PCDHGA7: variants seen among roughly 807,000 people sequenced by gnomAD.
PCDHGA7 encodes protocadherin gamma-A7.
PCDHGA7 carries 44 observed loss-of-function variants against 58.3 expected under a neutral mutation model. The observed-to-expected ratio is 0.75, with a 90% CI of 0.59 to 0.97. The LOEUF (loss-of-function observed/expected upper bound fraction) is 0.97, where lower values mean the gene tolerates loss of function less well. PCDHGA7 is among the 50% of genes least tolerant of loss of function. The pLI is 0.00. For synonymous variants in PCDHGA7, 516 were observed against 504.2 expected (o/e 1.02, Z -0.31); for missense variants, 1,266 against 1,188.7 (o/e 1.06, Z -0.96).
rs557311426 is a variant in PCDHGA7, at chr5:141,384,226, G to T, written c.1327G>T (p.Ala443Ser). 56 of 1,613,860 alleles carry T rather than the reference G, an allele frequency of 3.5e-5. No homozygotes were observed. In the East Asian group the frequency reaches 1.2e-3, roughly 34 times the overall value. ...GGAAACTCACATATTCATGCAGGTGGCAGACACCAACGATAACCCACCCAC... is the reference window on the plus strand; with the variant it reads ...GGAAACTCACATATTCATGCAGGTGTCAGACACCAACGATAACCCACCCAC... Reference protein sequence around the residue: ...SRETHIFMQVADTNDNPPTFP... With the variant: ...SRETHIFMQVSDTNDNPPTFP... The change falls in exon 1 of 4, where the codon GCA becomes TCA. Residue 443 changes from alanine to serine, a missense_variant. Physicochemically the swap from Ala to Ser is moderately conservative, Grantham distance 99. Coordinates refer to ENST00000518325, the MANE Select transcript of PCDHGA7 (RefSeq NM_018920.4).
intron 1 of PCDHGA7, chr5:141,421,919 TG>T: frequency 6.2e-7 from 1 of 1,613,642 alleles, no homozygotes; most frequent in Non-Finnish European, 8.5e-7. Flanking sequence ...CCCATTCGTG[TG>T]GTGGTCCTCG....
At chr5:141,419,407 G>A (rs1426208057) in intron 1 of PCDHGA7, 20 of 1,613,396 alleles carry the variant, frequency 1.2e-5, no homozygotes, top group Non-Finnish European at 1.4e-5. Flanking sequence ...TGGTGTTCGC[G>A]CAGCGCGCCT....
chr5:141,430,383 GAAA>G (rs139772145), intron 1 of PCDHGA7, among the ~76,000 whole-genome samples: 9 of 138,566 alleles, frequency 6.5e-5, no homozygotes, highest in African/African-American at 2.4e-4. Context: ...AGCTCATTGG[GAAA>G]AAAAAAAAAA....
At position 141,389,010 on chromosome 5, in the gene PCDHGA7, C is replaced by G. The variant is rs141101630; in HGVS notation, c.2424+3687C>G. ...CAAAGTCCGTGACAAGGATTCCAGA[C>G]ACAATGGAGAAGTGACTTGTAAATT... On this transcript the variant is annotated intron_variant, in intron 1 of 3. Transcript: ENST00000518325. 227 of 1,613,980 alleles carry G rather than the reference C, an allele frequency of 1.4e-4. 1 individual carries two copies. In the African/African-American group the frequency reaches 2.6e-3, roughly 18 times the overall value.
At chr5:141,497,849 T>G (rs1337258582) in intron 2 of PCDHGA7, among the ~76,000 whole-genome samples, 1 of 152,192 alleles carries the variant, frequency 6.6e-6, no homozygotes, top group African/African-American at 2.4e-5. Flanking sequence ...ACAAACATTT[T>G]TGATTCAGCG....
At chr5:141,385,430 A>G (rs1781192913) in intron 1 of PCDHGA7, 107 bp downstream of exon 1, 1 of 1,458,668 alleles carries the variant, frequency 6.9e-7, no homozygotes. Context: ...AAAACTTTAT[A>G]GAGGTAAAAA....
At chr5:141,452,460 G>A (rs750887712) in intron 1 of PCDHGA7, among the ~76,000 whole-genome samples, 1 of 152,140 alleles carries the variant, frequency 6.6e-6, no homozygotes, top group Non-Finnish European at 1.5e-5. Flanking sequence ...GTCAGCAGAC[G>A]GAGCTAGGAA....
At chr5:141,386,430 G>A (rs1257944903) in intron 1 of PCDHGA7, among the ~76,000 whole-genome samples, 2 of 152,116 alleles carry the variant, frequency 1.3e-5, no homozygotes, top group African/African-American at 4.8e-5. Flanking sequence ...TAGCCCACCT[G>A]CATGGGAGGC....
intron 1 of PCDHGA7, chr5:141,391,234 G>C (rs2092322160): frequency 6.6e-6 from 1 of 151,932 alleles, no homozygotes; most frequent in African/African-American, 2.4e-5. Context: ...CCTTTTGCTA[G>C]GTATATCTAA....
chr5:141,490,833 G>C lies in PCDHGA7; in HGVS notation c.2425-3974G>C, dbSNP rs781529579. ...ACTATGAATTGCTGCAGATGCTGCA[G>C]ATTGTGGTGGGGGTTCGAGACTCCG... On this transcript the variant is annotated intron_variant, in intron 1 of 3. Coordinates refer to ENST00000518325, the MANE Select transcript of PCDHGA7 (RefSeq NM_018920.4). This position sits in a 1 kb window ranked among gnomAD's most constrained non-coding sequence, Gnocchi z 5.4. The C allele has an allele frequency of 6.2e-7, 1 of 1,613,932 alleles. No homozygotes were observed. Among genetic ancestry groups the C allele is most frequent in the East Asian group, 2.2e-5 (1 of 44,884 alleles).
chr5:141,422,670 C>T, intron 1 of PCDHGA7: 1 of 1,607,244 alleles, frequency 6.2e-7, no homozygotes, highest in Non-Finnish European at 8.5e-7. Flanking sequence ...TCGACCCGGA[C>T]AGCAAACAGA....
chr5:141,461,921 T>G (rs2099026403), intron 1 of PCDHGA7, among the ~76,000 whole-genome samples: 1 of 152,222 alleles, frequency 6.6e-6, no homozygotes, highest in Non-Finnish European at 1.5e-5. Flanking sequence ...CCTCCTGGGT[T>G]CCAGCAATTC....
At chr5:141,428,147 G>A (rs771536400) in intron 1 of PCDHGA7, 2 of 1,589,610 alleles carry the variant, frequency 1.3e-6, no homozygotes, top group Admixed American at 1.7e-5. Context: ...GGCTGCACAC[G>A]GGAACCTGCT....
chr5:141,421,557 C>T (rs764010392), intron 1 of PCDHGA7: 1 of 1,613,932 alleles, frequency 6.2e-7, no homozygotes, highest in South Asian at 1.1e-5. Context: ...TGGAACTTCT[C>T]GTGGAAGACA....
rs200519543 is a variant in PCDHGA7, at chr5:141,439,190, C to CAA, written c.2424+53881_2424+53882dup. 3.7e-3 allele frequency among the ~76,000 whole-genome samples: 409 copies of CAA among 111,790 alleles called. 4 individuals are homozygous for CAA. The highest frequency in any genetic ancestry group is 0.029 in the East Asian group (112 of 3,852). The allele number at this position is 111,790 out of a possible 152,430, so 73.3% of individuals were successfully genotyped here. A position where few individuals can be genotyped will look rare whatever the true frequency, so the allele number is the denominator to read the frequency against. On this transcript the variant is annotated intron_variant, in intron 1 of 3. Transcript: ENST00000518325. Reference sequence around the variant, plus strand: ...CCTGGGCGACATAGTGAGACTCTGACAAAAAAAAAAAAAAATCCATATGTG... The same window carrying CAA: ...CCTGGGCGACATAGTGAGACTCTGACAAAAAAAAAAAAAAAAATCCATATGTG...
chr5:141,420,075 G>A (rs893749179), intron 1 of PCDHGA7: 17 of 1,613,944 alleles, frequency 1.1e-5, no homozygotes, highest in Admixed American at 6.7e-5. Context: ...GGACCTGTGG[G>A]TCCCCCCAAC....
At position 141,512,574 on chromosome 5, in the gene PCDHGA7, C is replaced by T. The variant is rs1429371202; in HGVS notation, c.*1401C>T. 6.5e-6 allele frequency: 1 copy of T among 152,884 alleles called. No homozygotes were observed. Among genetic ancestry groups the T allele is most frequent in the Non-Finnish European group, 1.5e-5 (1 of 68,502 alleles). The allele number at this position is 152,884 out of a possible 1,614,324, so 9.5% of individuals were successfully genotyped here. On this transcript the variant is annotated 3_prime_UTR_variant, in exon 4 of 4. Coordinates refer to ENST00000518325, the MANE Select transcript of PCDHGA7 (RefSeq NM_018920.4). ...GTGCATAGACCTTCTTCTCCCACCCCCTTCTGCCCCTGGGTCCCCGGCCAT... is the reference window on the plus strand; with the variant it reads ...GTGCATAGACCTTCTTCTCCCACCCTCTTCTGCCCCTGGGTCCCCGGCCAT...
intron 1 of PCDHGA7, chr5:141,398,485 A>G: frequency 6.2e-7 from 1 of 1,608,602 alleles, no homozygotes; most frequent in Non-Finnish European, 8.5e-7. Context: ...TTATCACGTG[A>G]ATGTGGAGAT....
At chr5:141,458,434 G>T (rs535464730) in intron 1 of PCDHGA7, among the ~76,000 whole-genome samples, 1 of 152,198 alleles carries the variant, frequency 6.6e-6, no homozygotes, top group African/African-American at 2.4e-5. Context: ...GAAAGAGGAG[G>T]TCCCCCACAT....
Sources: allele counts gnomAD v4.1 joint callset (sites outside exome capture counted in the v4.1 genomes callset), GRCh38; gene constraint gnomAD v4.1.1; non-coding constraint Gnocchi (gnomAD v3.1); transcripts MANE v1.5; gene names NCBI Gene and HGNC (gene_info 2026-07-23, HGNC 2026-07-21).